Variants in DDX31 observed in about 807,000 individuals in gnomAD.
DDX31 encodes the protein DEAD-box helicase 31.
Under a neutral mutation model 91.3 loss-of-function variants are expected in DDX31, and 70 were observed. The ratio of observed to expected loss-of-function variants is 0.77; its 90% CI spans 0.63 to 0.94. The LOEUF (loss-of-function observed/expected upper bound fraction) is 0.94, where lower values mean the gene tolerates loss of function less well. Ranked by LOEUF, DDX31 falls within the 40% of genes least tolerant of loss-of-function variation. The probability of loss-of-function intolerance (pLI) is 0.00; values close to 1 mark genes in which losing one functional copy is unlikely to be tolerated. For synonymous variants in DDX31, 362 were observed against 350.6 expected, an observed-to-expected ratio of 1.03 and a Z score of -0.36; for missense variants, 902 against 925.0, an observed-to-expected ratio of 0.98 and a Z score of 0.32.
rs1834248488 is a variant in DDX31, at chr9:132,652,388, T to C, written c.633+60A>G. The C allele has an allele frequency of 4.4e-6, 7 of 1,605,858 alleles. No homozygotes were observed. In the South Asian group the frequency reaches 7.7e-5, roughly 18 times the overall value. On this transcript the variant is annotated intron_variant, in intron 7 of 19. Coordinates refer to ENST00000372159, the MANE Select transcript of DDX31 (RefSeq NM_022779.9). ...AAACATGGTAAAACCACTTTTAAAT[T>C]CAACGGGACATTAGTGAAAGCATGT...
chr9:132,616,709 G>C (rs1169479646), intron 18 of DDX31, among the ~76,000 whole-genome samples: 2 of 151,092 alleles, frequency 1.3e-5, no homozygotes, highest in African/African-American at 4.8e-5. Context: ...TACTCCTCTA[G>C]AGGTAGCAAG....
At position 132,607,213 on chromosome 9, in the gene DDX31, A is replaced by G. The variant is rs181563484; in HGVS notation, c.1994+4874T>C. Among the ~76,000 whole-genome samples, 134 of 152,340 alleles carry G rather than the reference A, an allele frequency of 8.8e-4. 1 individual carries two copies. The highest frequency in any genetic ancestry group is 9.6e-4 in the East Asian group (5 of 5,188). ...CCCACTTCCCCTCTTCCTACTGATC[A>G]GTGCCTGCTGAGCACTGACTTAGCA... is the stretch of plus-strand genomic sequence containing the variant. On this transcript the variant is annotated intron_variant, in intron 19 of 19. Coordinates refer to ENST00000372159, the MANE Select transcript of DDX31 (RefSeq NM_022779.9).
At chr9:132,638,130 C>A (rs1156941346) in intron 14 of DDX31, 1 of 1,385,472 alleles carries the variant, frequency 7.2e-7, no homozygotes, top group Admixed American at 3.1e-5. Context: ...ACAGTTGGCG[C>A]CCAGGGCGGG....
chr9:132,622,606 A>G (rs770412904), intron 17 of DDX31, among the ~76,000 whole-genome samples: 12 of 152,246 alleles, frequency 7.9e-5, no homozygotes, highest in Non-Finnish European at 1.6e-4. Flanking sequence ...CACCAATGCC[A>G]GGCCCAGAAA....
intron 16 of DDX31, among the ~76,000 whole-genome samples, chr9:132,626,926 G>C (rs1216675950): frequency 1.3e-5 from 2 of 152,046 alleles, no homozygotes; most frequent in Non-Finnish European, 2.9e-5. Context: ...GCTCTGAAAG[G>C]GCAGGAGTCA....
intron 19 of DDX31, among the ~76,000 whole-genome samples, chr9:132,610,664 C>T (rs1589979172): frequency 6.6e-6 from 1 of 151,780 alleles, no homozygotes; most frequent in Admixed American, 6.6e-5. Flanking sequence ...GACAGGGTCT[C>T]GCTATGTTGC....
chr9:132,667,536 G>A (rs1835394728), intron 1 of DDX31, among the ~76,000 whole-genome samples: 1 of 152,120 alleles, frequency 6.6e-6, no homozygotes, highest in Non-Finnish European at 1.5e-5. Flanking sequence ...TCAGGAGGCA[G>A]AGCTTGCAGT....
intron 13 of DDX31, among the ~76,000 whole-genome samples, chr9:132,643,472 C>T (rs1833625690): frequency 6.6e-6 from 1 of 152,218 alleles, no homozygotes; most frequent in Non-Finnish European, 1.5e-5. Flanking sequence ...TAGATTTTGT[C>T]CATGGCTGGA....
rs142906610 is a variant in DDX31, at chr9:132,599,935, T to C, written c.1995-4823A>G. 2.8e-3 allele frequency among the ~76,000 whole-genome samples: 433 copies of C among 152,342 alleles called. 2 individuals are homozygous for C. The highest frequency in any genetic ancestry group is 9.7e-3 in the African/African-American group (404 of 41,576). On this transcript the variant is annotated intron_variant, in intron 19 of 19. Transcript: ENST00000372159. ...ACTTCAGGTGGCCCGGGACTGACTA[T>C]AAGTCTCTACACTTGTGCCTGACTC...
chr9:132,651,160 T>A (rs561622651), intron 7 of DDX31, 44 bp from the exon 8 acceptor site: 26 of 411,114 alleles, frequency 6.3e-5, no homozygotes, highest in African/African-American at 8.4e-5. Context: ...AGGATCCCCC[T>A]TTTTTTTTTT....
Position 132,633,367 on chromosome 9 carries a change from C to G in DDX31, c.1441-1276G>C, listed in dbSNP as rs375695557. The stretch of plus-strand genomic sequence containing the variant: ...GCAGTATCACTTCTAAAAGTCCACA[C>G]AAAAAAAGATACACTGACAAAAATA... On this transcript the variant is annotated intron_variant, in intron 14 of 19. Transcript: ENST00000372159. 7.4e-4 allele frequency among the ~76,000 whole-genome samples: 113 copies of G among 151,934 alleles called. 1 individual carries two copies. In the South Asian group the frequency reaches 0.019, roughly 25 times the overall value.
intron 19 of DDX31, among the ~76,000 whole-genome samples, chr9:132,609,622 CTT>C (rs1035749296): frequency 2.0e-5 from 3 of 150,262 alleles, no homozygotes; most frequent in African/African-American, 4.9e-5. Context: ...ATGTGTGTTT[CTT>C]TTTTTTTTCT....
At chr9:132,662,222 C>T (rs773418948) in intron 3 of DDX31, 39 bp downstream of exon 3, 1 of 1,599,158 alleles carries the variant, frequency 6.3e-7, no homozygotes, top group East Asian at 2.2e-5. Flanking sequence ...ACAAACACAC[C>T]AAAAAAAACT....
intron 15 of DDX31, among the ~76,000 whole-genome samples, chr9:132,630,968 C>T (rs562157706): frequency 5.3e-5 from 8 of 152,338 alleles, no homozygotes; most frequent in African/African-American, 9.6e-5. Context: ...TTCAGAATGA[C>T]GGCCATTCTA....
intron 17 of DDX31, among the ~76,000 whole-genome samples, chr9:132,618,834 G>A (rs893158665): frequency 6.6e-6 from 1 of 152,172 alleles, no homozygotes; most frequent in Non-Finnish European, 1.5e-5. Flanking sequence ...TCCCTCACGC[G>A]CATCAGTGGA....
At chr9:132,638,838 C>A (rs1228012638) in intron 14 of DDX31, among the ~76,000 whole-genome samples, 1 of 152,158 alleles carries the variant, frequency 6.6e-6, no homozygotes, top group African/African-American at 2.4e-5. Flanking sequence ...TAATTGTGAA[C>A]TTCTGTGTGA....
At chr9:132,614,136 G>A (rs1369713143) in intron 18 of DDX31, among the ~76,000 whole-genome samples, 2 of 152,130 alleles carry the variant, frequency 1.3e-5, no homozygotes, top group African/African-American at 4.8e-5. Context: ...TTTATGAACA[G>A]TAATAAAAAG....
rs1189390837 is a variant in DDX31 at position 132,658,732 on chromosome 9, T to C, written c.527A>G (p.Lys176Arg). ...CACAGGGATGCAATAGGCAAGAGTT[T>C]TACCTTTCAAAAAAAAAGCAGAAGC... is the stretch of plus-strand genomic sequence containing the variant. ...ALVRSQTGSG[K>R]TLAYCIPVVQ... is the part of the protein sequence containing the mutation. Residue 176 changes from lysine to arginine, a missense_variant, in exon 6 of 20, where the codon AAA becomes AGA. Transcript: ENST00000372159. 6.2e-7 allele frequency: 1 copy of C among 1,613,322 alleles called. No individual in the cohort carries two copies. Among genetic ancestry groups the C allele is most frequent in the African/African-American group, 1.3e-5 (1 of 74,978 alleles).
chr9:132,669,256 G>GCCC (rs35218211), intron 1 of DDX31, among the ~76,000 whole-genome samples: 3 of 115,406 alleles, frequency 2.6e-5, no homozygotes, highest in African/African-American at 9.2e-5. Flanking sequence ...CACCCCGCCC[G>GCCC]CCCCCCCCAA....
Sources: gnomAD v4.1 joint callset for allele counts (sites outside exome capture counted in the v4.1 genomes callset) on GRCh38, gnomAD v4.1.1 for gene constraint, MANE v1.5 for transcripts, NCBI Gene and HGNC (gene_info 2026-07-23, HGNC 2026-07-21) for gene names.